ZC3H12B: variants seen among roughly 807,000 people sequenced by gnomAD.
The protein encoded by ZC3H12B is zinc finger CCCH-type containing 12B, also known as probable ribonuclease ZC3H12B.
Under a neutral mutation model 43.9 loss-of-function variants are expected in ZC3H12B, and 7 were observed. The observed-to-expected ratio is 0.16, with a 90% confidence interval of 0.09 to 0.30. The LOEUF is 0.30. Ranked by LOEUF, ZC3H12B falls within the 10% of genes least tolerant of loss-of-function variation. ZC3H12B has a pLI of 1.00. For synonymous variants in ZC3H12B, 222 were observed against 241.7 expected (o/e 0.92, Z 0.76); for missense variants, 475 against 670.2 (o/e 0.71, Z 3.22).
the ZC3H12B span, among the ~76,000 whole-genome samples, chrX:65,099,007 C>A: frequency 4.5e-5 from 5 of 111,571 alleles, no homozygotes; most frequent in South Asian, 1.9e-3. Flanking sequence ...GTCGGCAGAG[C>A]AGTCTGAAGT....
At chrX:65,132,716 C>T in the ZC3H12B span, among the ~76,000 whole-genome samples, 1 of 111,199 alleles carries the variant, frequency 9.0e-6, no homozygotes, top group East Asian at 2.8e-4. Flanking sequence ...GTTTAGAAGC[C>T]TGGCTGTCAA....
the ZC3H12B span, among the ~76,000 whole-genome samples, chrX:65,064,223 A>G: frequency 9.0e-6 from 1 of 110,938 alleles, no homozygotes. Flanking sequence ...TTGCTTCTCT[A>G]GTTCTTTTAA....
At chrX:65,351,827 G>A in the ZC3H12B span, among the ~76,000 whole-genome samples, 1 of 112,404 alleles carries the variant, frequency 8.9e-6, no homozygotes, top group Non-Finnish European at 1.9e-5. Flanking sequence ...ACAGATGCTG[G>A]AGAGGATGTG....
chrX:65,068,105 CTT>C, the ZC3H12B span, among the ~76,000 whole-genome samples: 1 of 60,810 alleles, frequency 1.6e-5, no homozygotes, highest in Non-Finnish European at 3.0e-5. Flanking sequence ...CTTGATGTTA[CTT>C]TTTTTTTTTT....
At chrX:65,046,099 A>G in the ZC3H12B span, among the ~76,000 whole-genome samples, 2 of 111,540 alleles carry the variant, frequency 1.8e-5, no homozygotes, top group African/African-American at 3.3e-5. Flanking sequence ...TAGATTTAAC[A>G]TAATTATTAT....
At chrX:65,373,984 C>CTATATATATAG (rs1569379787) in intron 2 of ZC3H12B, among the ~76,000 whole-genome samples, 5 of 6,128 alleles carry the variant, frequency 8.2e-4, no homozygotes, top group African/African-American at 1.7e-3. Context: ...TATATATATA[C>CTATATATATAG]TATATATATA....
the ZC3H12B span, among the ~76,000 whole-genome samples, chrX:65,162,903 T>G: frequency 1.8e-5 from 2 of 112,032 alleles, no homozygotes; most frequent in Non-Finnish European, 3.8e-5. Context: ...TGGTTTTATC[T>G]ACTTTTGTTC....
intron 3 of ZC3H12B, among the ~76,000 whole-genome samples, chrX:65,439,983 A>G (rs1039400580): frequency 5.4e-5 from 6 of 111,455 alleles, no homozygotes; most frequent in Admixed American, 9.5e-5. Context: ...AAATACAAGC[A>G]TAAGCTCTAC....
chrX:65,126,412 C>T, the ZC3H12B span, among the ~76,000 whole-genome samples: 1 of 111,206 alleles, frequency 9.0e-6, no homozygotes, highest in African/African-American at 3.3e-5. Context: ...CCTCACATCT[C>T]TTGAGATTCT....
the ZC3H12B span, among the ~76,000 whole-genome samples, chrX:65,198,362 G>A: frequency 9.0e-6 from 1 of 111,594 alleles, no homozygotes; most frequent in Admixed American, 9.5e-5. Flanking sequence ...TATCTTTATT[G>A]CTGATTAACA....
the ZC3H12B span, among the ~76,000 whole-genome samples, chrX:65,233,531 TAA>T: frequency 4.1e-5 from 4 of 96,605 alleles, no homozygotes; most frequent in Admixed American, 1.1e-4. Context: ...AGAAGAAAAT[TAA>T]AAAAAAAAAA....
intron 3 of ZC3H12B, among the ~76,000 whole-genome samples, chrX:65,435,070 G>A (rs1489556646): frequency 6.3e-5 from 7 of 111,995 alleles, no homozygotes; most frequent in African/African-American, 2.3e-4. Context: ...TACAAGGTTG[G>A]GGGTTCATCT....
At chrX:65,176,330 G>T in the ZC3H12B span, among the ~76,000 whole-genome samples, 1 of 111,864 alleles carries the variant, frequency 8.9e-6, no homozygotes, top group Non-Finnish European at 1.9e-5. Context: ...TAGCCAGACT[G>T]CCTCTCTAGA....
the ZC3H12B span, among the ~76,000 whole-genome samples, chrX:65,136,246 G>A: frequency 5.4e-5 from 6 of 111,503 alleles, no homozygotes; most frequent in African/African-American, 2.0e-4. Flanking sequence ...AATAGTCCAG[G>A]TTTCTCACTG....
chrX:65,376,042 C>T (rs931391506), intron 2 of ZC3H12B, among the ~76,000 whole-genome samples: 2 of 112,060 alleles, frequency 1.8e-5, no homozygotes, highest in African/African-American at 6.5e-5. Flanking sequence ...TCTGGACGTG[C>T]CTTGGGCCAA....
rs140499821 is a variant in ZC3H12B at position 65,377,086 on chromosome X, A to G, written n.295+8088A>G. 1.2e-3 allele frequency among the ~76,000 whole-genome samples: 130 copies of G among 110,027 alleles called. 1 individual carries two copies. The highest frequency in any genetic ancestry group is 4.3e-3 in the African/African-American group (130 of 30,356). On this transcript the variant is annotated intron_variant and non_coding_transcript_variant, in intron 2 of 5. Coordinates refer to the ZC3H12B transcript ENST00000617377. ...AGATTCAAATAATTAAAAAGAATCA[A>G]GTAGAAATCCTGGAACTGAAAAATG...
chrX:65,396,115 A>C (rs936748205), intron 2 of ZC3H12B, among the ~76,000 whole-genome samples: 3 of 110,568 alleles, frequency 2.7e-5, no homozygotes. Flanking sequence ...CTATTTTGTT[A>C]ATCTTTTCAA....
chrX:65,483,704 T>C (rs2068091047), intron 3 of ZC3H12B, among the ~76,000 whole-genome samples: 1 of 112,398 alleles, frequency 8.9e-6, no homozygotes, highest in African/African-American at 3.2e-5. Context: ...GTTATTACTG[T>C]TATCGAAGTT....
the ZC3H12B span, among the ~76,000 whole-genome samples, chrX:65,168,508 T>G: frequency 9.0e-6 from 1 of 110,517 alleles, no homozygotes; most frequent in Non-Finnish European, 1.9e-5. Flanking sequence ...TTTTTTTTTT[T>G]GTTGCGTCTC....
Sources: allele counts gnomAD v4.1 joint callset (sites outside exome capture counted in the v4.1 genomes callset), GRCh38; gene constraint gnomAD v4.1.1; transcripts MANE v1.5; gene names NCBI Gene and HGNC (gene_info 2026-07-23, HGNC 2026-07-21).